Variants in SOX6 observed in about 807,000 individuals in gnomAD.
SOX6 encodes transcription factor SOX-6.
Under a neutral mutation model 97.8 loss-of-function variants are expected in SOX6, and 11 were observed. The observed-to-expected ratio is 0.11, with a 90% CI of 0.07 to 0.19. SOX6 has a LOEUF of 0.19. SOX6 is among the 10% of genes least tolerant of loss of function. The probability of loss-of-function intolerance (pLI) is 1.00; values close to 1 mark genes in which losing one functional copy is unlikely to be tolerated. For missense variants in SOX6, 810 were observed against 1,039.5 expected (o/e 0.78, Z 3.04); for synonymous variants, 360 against 371.4 (o/e 0.97, Z 0.35).
intron 1 of SOX6, among the ~76,000 whole-genome samples, chr11:16,413,195 G>T (rs1858856933): frequency 6.6e-6 from 1 of 152,076 alleles, no homozygotes; most frequent in Non-Finnish European, 1.5e-5. Flanking sequence ...GTCCCAAAAG[G>T]GGGACAAAAA....
chr11:16,069,594 A>T (rs1848176297), intron 9 of SOX6, among the ~76,000 whole-genome samples: 2 of 152,060 alleles, frequency 1.3e-5, no homozygotes, highest in Non-Finnish European at 2.9e-5. Context: ...TTAAACTGCA[A>T]CCTTAGTAAT....
At chr11:16,687,754 A>G (rs921497634) in intron 3 of SOX6, among the ~76,000 whole-genome samples, 4 of 151,928 alleles carry the variant, frequency 2.6e-5, no homozygotes, top group Non-Finnish European at 5.9e-5. Context: ...CTGGTCTCAA[A>G]CTCCTGTCCT....
rs147379882 is a variant in SOX6 at position 16,267,719 on chromosome 11, G to A, written c.446-33048C>T. On this transcript the variant is annotated intron_variant, in intron 3 of 15. Transcript: ENST00000683767. ...AATTTACCTGAACGATTTAAAATCA[G>A]TATGTCAAAGAGATGTCTGCATGCC... Among the ~76,000 whole-genome samples the A allele has an allele frequency of 9.2e-5, 14 of 151,646 alleles. No homozygotes were observed. In the East Asian group the frequency reaches 2.7e-3, roughly 29 times the overall value.
intron 3 of SOX6, among the ~76,000 whole-genome samples, chr11:16,236,567 T>C (rs1853031212): frequency 6.6e-6 from 1 of 152,040 alleles, no homozygotes; most frequent in African/African-American, 2.4e-5. Flanking sequence ...TAATTACTGA[T>C]ACAATTACAA....
intron 3 of SOX6, among the ~76,000 whole-genome samples, chr11:16,283,089 G>GTGTATATATATATATA (rs370335142): frequency 1.8e-5 from 2 of 113,710 alleles, no homozygotes; most frequent in Non-Finnish European, 3.5e-5. Context: ...TATATAATTT[G>GTGTATATATATATATA]TATATATATA....
At chr11:16,332,287 T>C (rs1856329744) in intron 2 of SOX6, among the ~76,000 whole-genome samples, 1 of 152,128 alleles carries the variant, frequency 6.6e-6, no homozygotes, top group Non-Finnish European at 1.5e-5. Context: ...CAAAAAATTA[T>C]TACTCACCAC....
chr11:16,164,691 T>G (rs1033372465), intron 6 of SOX6, among the ~76,000 whole-genome samples: 1 of 151,672 alleles, frequency 6.6e-6, no homozygotes. Context: ...GGGGTAGTGG[T>G]GTGCACCTGT....
At chr11:16,094,643 A>T (rs2133972140) in intron 9 of SOX6, among the ~76,000 whole-genome samples, 1 of 151,982 alleles carries the variant, frequency 6.6e-6, no homozygotes, top group East Asian at 2.0e-4. Context: ...CTTGTTCCTA[A>T]TGTCCAGTCA....
At chr11:15,978,060 T>C (rs1183491146) in intron 15 of SOX6, among the ~76,000 whole-genome samples, 1 of 152,094 alleles carries the variant, frequency 6.6e-6, no homozygotes. Flanking sequence ...CTATCTGTTT[T>C]TGTTTACTAA....
chr11:16,718,910 T>C (rs1247997972), intron 2 of SOX6, among the ~76,000 whole-genome samples: 3 of 151,206 alleles, frequency 2.0e-5, no homozygotes, highest in Non-Finnish European at 2.9e-5. Flanking sequence ...GGTGGATGGA[T>C]TGCTTGAGCA....
upstream of SOX6, among the ~76,000 whole-genome samples, chr11:16,361,333 C>T (rs1285113129): frequency 3.9e-5 from 6 of 151,926 alleles, no homozygotes; most frequent in African/African-American, 1.2e-4. Context: ...GACATTGTTC[C>T]AAGATTAAAC....
intron 12 of SOX6, among the ~76,000 whole-genome samples, chr11:16,016,392 C>T (rs911725219): frequency 1.3e-5 from 2 of 151,980 alleles, no homozygotes; most frequent in Admixed American, 6.6e-5. Context: ...AGATTTGCAA[C>T]AAAAATTACA....
chr11:16,552,254 C>T (rs1367137777), intron 4 of SOX6, among the ~76,000 whole-genome samples: 5 of 151,986 alleles, frequency 3.3e-5, no homozygotes, highest in Non-Finnish European at 7.4e-5. Context: ...CATAAAAATC[C>T]ACCAAGCTAA....
chr11:16,277,689 G>A (rs919872904), intron 3 of SOX6, among the ~76,000 whole-genome samples: 1 of 152,170 alleles, frequency 6.6e-6, no homozygotes, highest in African/African-American at 2.4e-5. Context: ...CACTTTCTTT[G>A]GATCAGGAGT....
chr11:16,133,834 G>T (rs371527085), intron 6 of SOX6, among the ~76,000 whole-genome samples: 112 of 152,134 alleles, frequency 7.4e-4, no homozygotes, highest in African/African-American at 2.5e-3. Flanking sequence ...GATGACAGGC[G>T]CCCTCCACCA....
chr11:16,721,504 C>CTG (rs1211066418), intron 2 of SOX6, among the ~76,000 whole-genome samples: 147 of 9,144 alleles, frequency 0.016, 6 homozygotes, highest in African/African-American at 0.058. Flanking sequence ...TTTTCTGTCT[C>CTG]TCTCTCTCTC....
intron 3 of SOX6, among the ~76,000 whole-genome samples, chr11:16,681,748 A>T (rs1011613318): frequency 6.6e-6 from 1 of 152,200 alleles, no homozygotes; most frequent in African/African-American, 2.4e-5. Flanking sequence ...GAGAAGAATC[A>T]AATAGAGACA....
chr11:16,130,062 T>C (rs913957054), intron 6 of SOX6, among the ~76,000 whole-genome samples: 31 of 152,108 alleles, frequency 2.0e-4, no homozygotes, highest in African/African-American at 7.2e-4. Context: ...ATCTTAAGAA[T>C]TTTTTTAAAG....
At chr11:16,158,867 T>G (rs1018771673) in intron 6 of SOX6, among the ~76,000 whole-genome samples, 29 of 88,814 alleles carry the variant, frequency 3.3e-4, no homozygotes, top group African/African-American at 2.9e-4. Flanking sequence ...AAGTTACAGG[T>G]GTGTGTGTGT....
Sources: allele counts gnomAD v4.1 joint callset (sites outside exome capture counted in the v4.1 genomes callset), GRCh38; gene constraint gnomAD v4.1.1; transcripts MANE v1.5; gene names NCBI Gene and HGNC (gene_info 2026-07-23, HGNC 2026-07-21).